ZFHX3: variants seen among roughly 807,000 people sequenced by gnomAD.
ZFHX3 encodes zinc finger homeobox protein 3.
A neutral mutation model predicts 279.1 loss-of-function variants in ZFHX3; 42 were observed. That is an observed-to-expected ratio of 0.15 (90% CI 0.12 to 0.19). ZFHX3 has a LOEUF of 0.19. Among genes scored for constraint, ZFHX3 ranks in the 10% least tolerant of loss-of-function variants. The pLI, the probability that ZFHX3 is intolerant of heterozygous loss-of-function variation, is 1.00. For missense variants in ZFHX3, 4,981 were observed against 4,754.0 expected, an observed-to-expected ratio of 1.05 and a Z score of -1.40; for synonymous variants, 2,293 against 1,957.8, an observed-to-expected ratio of 1.17 and a Z score of -4.52.
chr16:73,854,840 A>G (rs921718707), intron 1 of ZFHX3, among the ~76,000 whole-genome samples: 4 of 151,584 alleles, frequency 2.6e-5, no homozygotes, highest in African/African-American at 4.8e-5. Flanking sequence ...TTGCACTTGT[A>G]TCTGGGTTTT....
intron 7 of ZFHX3, among the ~76,000 whole-genome samples, chr16:72,811,336 C>G (rs1156346322): frequency 6.6e-6 from 1 of 152,126 alleles, no homozygotes. Flanking sequence ...ATGCCTCTGT[C>G]CCCTGAGGGC....
chr16:73,604,111 G>C (rs2143867945), intron 2 of ZFHX3, among the ~76,000 whole-genome samples: 1 of 151,940 alleles, frequency 6.6e-6, no homozygotes, highest in South Asian at 2.1e-4. Flanking sequence ...GAGTAGACTA[G>C]AAAACCAAAT....
chr16:72,959,401 C>T lies in ZFHX3; in HGVS notation c.745G>A (p.Gly249Ser), dbSNP rs745631900. ...GATACGCAGGAGCTTTTGGCAGAAC[C>T]GTCGCTGTTCAGGTAATCCTTGTTG... ...KSNKDYLNSD[G>S]SAKSSCVSKD... is the part of the protein sequence containing the mutation. The change falls in exon 2 of 10, where the codon GGT (glycine) becomes AGT (serine). Residue 249 changes from glycine to serine, a missense_variant. By Grantham distance (56) the Gly-to-Ser change is moderately conservative. Transcript: ENST00000268489. The T allele has an allele frequency of 1.7e-5, 28 of 1,614,090 alleles. No homozygotes were observed. The highest frequency in any genetic ancestry group is 6.6e-5 in the South Asian group (6 of 91,090).
intron 2 of ZFHX3, among the ~76,000 whole-genome samples, chr16:73,561,561 A>G (rs912132079): frequency 5.3e-5 from 8 of 152,190 alleles, no homozygotes; most frequent in African/African-American, 1.9e-4. Context: ...AATTAGTGGA[A>G]AGGTAACAGA....
intron 3 of ZFHX3, among the ~76,000 whole-genome samples, chr16:73,411,958 T>C (rs542354545): frequency 4.7e-4 from 71 of 152,320 alleles, no homozygotes; most frequent in Middle Eastern, 3.4e-3. Flanking sequence ...TTAGTTTCTA[T>C]TGGGGCTAAA....
chr16:73,311,589 C>CA (rs1156241061), intron 4 of ZFHX3, among the ~76,000 whole-genome samples: 117 of 27,826 alleles, frequency 4.2e-3, no homozygotes, highest in South Asian at 0.011. Flanking sequence ...TACTCCATCT[C>CA]AAAAAAAAAA....
intron 8 of ZFHX3, among the ~76,000 whole-genome samples, chr16:73,080,237 T>G (rs1965928307): frequency 2.0e-5 from 3 of 152,184 alleles, no homozygotes; most frequent in African/African-American, 7.2e-5. Flanking sequence ...CTCCACCCAT[T>G]AACTGAAACC....
At chr16:72,862,197 C>T (rs956310949) in intron 4 of ZFHX3, among the ~76,000 whole-genome samples, 7 of 152,162 alleles carry the variant, frequency 4.6e-5, no homozygotes, top group Non-Finnish European at 8.8e-5. Flanking sequence ...AGCACTGAAA[C>T]CCCAAACTTA....
chr16:73,728,021 C>G (rs1446486223), intron 1 of ZFHX3, among the ~76,000 whole-genome samples: 2 of 100,396 alleles, frequency 2.0e-5, no homozygotes, highest in African/African-American at 7.2e-5. Context: ...TTGTGCCCCC[C>G]CCCCGCCCCC....
At chr16:73,788,523 T>C (rs1453224166) in intron 1 of ZFHX3, among the ~76,000 whole-genome samples, 1 of 152,176 alleles carries the variant, frequency 6.6e-6, no homozygotes, top group Non-Finnish European at 1.5e-5. Flanking sequence ...ATCATTACTC[T>C]TGTGTGTTGT....
At chr16:73,381,400 G>A (rs1308358551) in intron 3 of ZFHX3, among the ~76,000 whole-genome samples, 1 of 152,132 alleles carries the variant, frequency 6.6e-6, no homozygotes, top group Non-Finnish European at 1.5e-5. Context: ...ATGACTAGCT[G>A]TATATAAAGC....
At chr16:73,858,897 C>A (rs968723016) in intron 1 of ZFHX3, among the ~76,000 whole-genome samples, 10 of 152,106 alleles carry the variant, frequency 6.6e-5, no homozygotes, top group Admixed American at 1.3e-4. Flanking sequence ...CCAGCTTTTC[C>A]CAAATGAACT....
chr16:73,470,364 T>A (rs994909692), intron 2 of ZFHX3, among the ~76,000 whole-genome samples: 1 of 152,178 alleles, frequency 6.6e-6, no homozygotes, highest in African/African-American at 2.4e-5. Context: ...ATCCAGACAG[T>A]CCTGGTCTGT....
intron 2 of ZFHX3, among the ~76,000 whole-genome samples, chr16:73,467,702 T>C (rs1373145220): frequency 6.6e-6 from 1 of 152,176 alleles, no homozygotes; most frequent in Non-Finnish European, 1.5e-5. Context: ...AAAATGTTCA[T>C]AATAGAAAAT....
rs749388798 is a variant in ZFHX3 at position 72,811,990 on chromosome 16, G to T, written c.3578C>A (p.Ser1193Tyr). Residue 1193 changes from serine to tyrosine, a missense_variant, in exon 6 of 10, where the codon TCC becomes TAC. Physicochemically the swap from Ser to Tyr is moderately radical, Grantham distance 144 (BLOSUM62 -2). Around this residue, in one of 7 missense-constraint regions of ZFHX3, gnomAD observed 1,751 missense variants for 1,770.0 expected, o/e 0.99. Transcript: ENST00000268489. ...GCTACCTGGGAAGGAGATGCGTTTG[G>T]AGGTTGCAGGAGAATCTGTCAGCTC... ...EKELTDSPAT[S>Y]KRISFPGSSE... is the part of the protein sequence containing the mutation. The T allele has an allele frequency of 6.2e-7, 1 of 1,614,050 alleles. No individual in the cohort carries two copies. Among genetic ancestry groups the T allele is most frequent in the African/African-American group, 1.3e-5 (1 of 74,916 alleles).
At position 73,437,635 on chromosome 16, in the gene ZFHX3, A is replaced by G. The variant is rs995179565; in HGVS notation, c.-1291+18368T>C. Among the ~76,000 whole-genome samples the G allele has an allele frequency of 3.3e-5, 5 of 152,066 alleles. No individual in the cohort carries two copies. The East Asian group carries it at 9.6e-4, about 29-fold the overall frequency. ...GACATTTCCCCCCATTACTTTTGAC[A>G]TTTACATTTCATTCCAAATAGTCAA... is the stretch of plus-strand genomic sequence containing the variant. On this transcript the variant is annotated intron_variant, in intron 3 of 17. Coordinates refer to the ZFHX3 transcript ENST00000641206.
chr16:73,082,424 C>T (rs753794690), intron 8 of ZFHX3, among the ~76,000 whole-genome samples: 30 of 151,936 alleles, frequency 2.0e-4, no homozygotes, highest in African/African-American at 4.6e-4. Flanking sequence ...CCCGCTACCA[C>T]GCCCGGCTAA....
At chr16:73,629,783 G>A (rs1236976179) in intron 2 of ZFHX3, among the ~76,000 whole-genome samples, 5 of 152,056 alleles carry the variant, frequency 3.3e-5, no homozygotes, top group African/African-American at 1.2e-4. Context: ...CCTCTAGCTT[G>A]GAAATCCTAC....
chr16:72,993,644 A>T (rs1963174186), intron 1 of ZFHX3, among the ~76,000 whole-genome samples: 1 of 152,170 alleles, frequency 6.6e-6, no homozygotes, highest in African/African-American at 2.4e-5. Flanking sequence ...TTTATTTTTC[A>T]AGCCCACCAC....
Sources: gnomAD v4.1 joint callset for allele counts (sites outside exome capture counted in the v4.1 genomes callset) on GRCh38, gnomAD v4.1.1 for gene constraint, gnomAD v4.1.1 regional missense constraint, MANE v1.5 for transcripts, NCBI Gene and HGNC (gene_info 2026-07-23, HGNC 2026-07-21) for gene names.